The following SCAI variants were observed in gnomAD, a reference collection of about 807,000 sequenced individuals.
The protein encoded by SCAI is suppressor of cancer cell invasion.
In SCAI, 24 loss-of-function variants were observed where a neutral mutation model predicts 92.2. The observed-to-expected ratio is 0.26, with a 90% CI of 0.19 to 0.37. The LOEUF (loss-of-function observed/expected upper bound fraction) is 0.37. Ranked by LOEUF, SCAI falls within the 10% of genes least tolerant of loss-of-function variation. SCAI has a pLI of 1.00. For synonymous variants in SCAI, 261 were observed against 258.6 expected (o/e 1.01, Z -0.09); for missense variants, 450 against 736.2 (o/e 0.61, Z 4.50).
In SCAI at chr9:125,037,937, T is replaced by G. The variant is rs1833235223; in HGVS notation, c.231-8198A>C. ...ATCTCAGGAAAAAAAAAAGAATTAC[T>G]TGTGCCCATTTTTGGGGCCATCAAA... On this transcript the variant is annotated intron_variant, in intron 3 of 17. Transcript: ENST00000336505. Among the ~76,000 whole-genome samples the G allele has an allele frequency of 2.0e-5, 3 of 151,684 alleles. No individual in the cohort carries two copies. The South Asian group carries it at 6.2e-4, about 32-fold the overall frequency.
chr9:125,048,714 ATATTTATT>A (rs10572043), intron 3 of SCAI, among the ~76,000 whole-genome samples: 3 of 150,734 alleles, frequency 2.0e-5, no homozygotes, highest in South Asian at 2.1e-4. Flanking sequence ...TACTGGGAGC[ATATTTATT>A]TATTTATTTA....
chr9:125,054,021 C>T (rs183321118), intron 3 of SCAI, among the ~76,000 whole-genome samples: 20 of 152,252 alleles, frequency 1.3e-4, no homozygotes, highest in African/African-American at 4.8e-4. Context: ...GTCACCCAGG[C>T]TGGAGTGCAG....
At chr9:124,985,871 A>T (rs1428255460) in intron 14 of SCAI, among the ~76,000 whole-genome samples, 1 of 151,864 alleles carries the variant, frequency 6.6e-6, no homozygotes, top group African/African-American at 2.4e-5. Context: ...CTCAATAAAA[A>T]AAAAAAAAAA....
At position 125,020,742 on chromosome 9, in the gene SCAI, T is replaced by G; in HGVS notation, c.540A>C (p.Arg180=). 6.6e-7 allele frequency: 1 copy of G among 1,512,466 alleles called. No individual in the cohort carries two copies. Among genetic ancestry groups the G allele is most frequent in the South Asian group, 1.2e-5 (1 of 82,870 alleles). The allele number at this position is 1,512,466 out of a possible 1,614,324, so 93.7% of individuals were successfully genotyped here. The change falls in exon 7 of 18, where the codon CGA becomes CGC. Residue 180 remains arginine, a synonymous_variant. Transcript: ENST00000336505. ...DRPELVVKKL[R]YYARFIVVCL... ...AAACTACTATAAATCTTGCATAATA[T>G]CGTAACTTCTTAACTACCAATTCAG...
chr9:124,981,096 C>A (rs1032998351), intron 14 of SCAI, among the ~76,000 whole-genome samples: 3 of 151,982 alleles, frequency 2.0e-5, no homozygotes, highest in African/African-American at 7.3e-5. Context: ...ATGAAGTGTA[C>A]GATTCAAAGC....
At chr9:124,982,470 G>A (rs1422133242) in intron 14 of SCAI, among the ~76,000 whole-genome samples, 4 of 151,870 alleles carry the variant, frequency 2.6e-5, no homozygotes, top group African/African-American at 4.8e-5. Context: ...TCAGGAGTTC[G>A]ACACCAGCCT....
intron 2 of SCAI, among the ~76,000 whole-genome samples, chr9:125,114,001 T>G (rs1013960345): frequency 6.6e-6 from 1 of 152,162 alleles, no homozygotes; most frequent in African/African-American, 2.4e-5. Context: ...AAAATTTCAC[T>G]CTCTGGAGGT....
intron 2 of SCAI, among the ~76,000 whole-genome samples, chr9:125,093,877 T>A (rs1314001309): frequency 3.3e-5 from 5 of 151,742 alleles, no homozygotes; most frequent in African/African-American, 1.2e-4. Context: ...ACCTACGTTT[T>A]TTTAATCTAC....
intron 3 of SCAI, among the ~76,000 whole-genome samples, chr9:125,044,119 C>T (rs1248866646): frequency 1.3e-5 from 2 of 152,114 alleles, no homozygotes; most frequent in Non-Finnish European, 2.9e-5. Flanking sequence ...ACTGGGTGTG[C>T]TCATGACGGC....
Position 125,027,007 on chromosome 9 carries a change from G to A in SCAI, c.414-97C>T, listed in dbSNP as rs981965389. On this transcript the variant is annotated intron_variant, in intron 5 of 17. Transcript: ENST00000336505. ...ATACCGCTGTATTCCTCTGTGGCACGGGGTGCGGGGGTGGGAATGACTGTC... is the reference window on the plus strand; with the variant it reads ...ATACCGCTGTATTCCTCTGTGGCACAGGGTGCGGGGGTGGGAATGACTGTC... The A allele has an allele frequency of 6.4e-5, 34 of 531,722 alleles. 1 individual carries two copies. The Admixed American group carries it at 7.8e-4, about 12-fold the overall frequency. 32.9% of individuals were successfully genotyped at this position (531,722 alleles called of 1,614,324 possible).
intron 13 of SCAI, 63 bp downstream of exon 13, chr9:124,999,828 A>G (rs1288684780): frequency 5.9e-6 from 5 of 842,534 alleles, no homozygotes; most frequent in Non-Finnish European, 9.4e-6. Flanking sequence ...TTTACTTAAT[A>G]TTTTTTCTAT....
intron 9 of SCAI, among the ~76,000 whole-genome samples, chr9:125,004,752 TA>T (rs1564374487): frequency 0.018 from 275 of 15,156 alleles, 11 homozygotes; most frequent in South Asian, 0.026. Flanking sequence ...TATATATATA[TA>T]TATATATATA....
rs544612218 is a variant in SCAI at position 125,016,036 on chromosome 9, G to A, written c.861+2763C>T. Among the ~76,000 whole-genome samples, 46 of 107,508 alleles carry A rather than the reference G, an allele frequency of 4.3e-4. 1 individual carries two copies. Among genetic ancestry groups the A allele is most frequent in the African/African-American group, 1.5e-3 (43 of 28,100 alleles). The allele number at this position is 107,508 out of a possible 152,430, so 70.5% of individuals were successfully genotyped here. A position where few individuals can be genotyped will look rare whatever the true frequency, so the allele number is the denominator to read the frequency against. On this transcript the variant is annotated intron_variant, in intron 9 of 17. Coordinates refer to ENST00000336505, the MANE Select transcript of SCAI (RefSeq NM_001144877.3). ...CACACTTTGGGGACTGTTGTGGGGC[G>A]GGGGGAGGGGGGAGGGATAGCTTTA...
chr9:125,128,100 G>A (rs1487979533), intron 2 of SCAI, among the ~76,000 whole-genome samples: 1 of 152,056 alleles, frequency 6.6e-6, no homozygotes, highest in African/African-American at 2.4e-5. Flanking sequence ...ATTGCTTGAG[G>A]CCAGAAATTT....
intron 2 of SCAI, among the ~76,000 whole-genome samples, chr9:125,097,160 C>T (rs958740217): frequency 3.3e-5 from 5 of 152,064 alleles, no homozygotes; most frequent in East Asian, 1.9e-4. Context: ...TAGCTGGGCG[C>T]GGTGGCTCAC....
Position 125,106,722 on chromosome 9 carries a change from C to CTT in SCAI, c.98+35909_98+35910dup, listed in dbSNP as rs34740170. The stretch of plus-strand genomic sequence containing the variant: ...CTGAACTTGCATTATTTTTCTTTTC[C>CTT]TTTTTTTTTTTTTTTTTTTTTTGAG... On this transcript the variant is annotated intron_variant, in intron 2 of 17. Transcript: ENST00000336505. Among the ~76,000 whole-genome samples, 219 of 113,286 alleles carry CTT rather than the reference C, an allele frequency of 1.9e-3. 1 individual carries two copies. Among genetic ancestry groups the CTT allele is most frequent in the Middle Eastern group, 5.3e-3 (1 of 190 alleles). The allele number at this position is 113,286 out of a possible 152,430, so 74.3% of individuals were successfully genotyped here. A position where few individuals can be genotyped will look rare whatever the true frequency, so the allele number is the denominator to read the frequency against.
intron 3 of SCAI, among the ~76,000 whole-genome samples, chr9:125,036,730 C>A (rs995190510): frequency 3.3e-5 from 5 of 152,154 alleles, no homozygotes; most frequent in Non-Finnish European, 5.9e-5. Flanking sequence ...TAACCTAGGT[C>A]TTCATTGTGA....
chr9:125,069,073 C>G (rs755644882), intron 2 of SCAI, among the ~76,000 whole-genome samples: 58 of 151,794 alleles, frequency 3.8e-4, no homozygotes, highest in Non-Finnish European at 7.4e-4. Flanking sequence ...AAAAAATTAG[C>G]CAGGCCTGGT....
At chr9:125,053,869 A>G (rs929955763) in intron 3 of SCAI, among the ~76,000 whole-genome samples, 4 of 152,202 alleles carry the variant, frequency 2.6e-5, no homozygotes, top group Admixed American at 6.5e-5. Context: ...TATTATAACT[A>G]TGTCAGTGTT....
Sources: allele counts gnomAD v4.1 joint callset (sites outside exome capture counted in the v4.1 genomes callset), GRCh38; gene constraint gnomAD v4.1.1; transcripts MANE v1.5; gene names NCBI Gene and HGNC (gene_info 2026-07-23, HGNC 2026-07-21).